The following CDKL2 variants were observed in gnomAD, a reference collection of about 807,000 sequenced individuals.
CDKL2 encodes the protein cyclin-dependent kinase-like 2.
CDKL2 carries 64 observed loss-of-function variants against 63.9 expected under a neutral mutation model. The observed-to-expected ratio is 1.00, with a 90% CI of 0.82 to 1.23. CDKL2 has a LOEUF of 1.23. Among genes scored for constraint, CDKL2 ranks in the 50% most tolerant of loss-of-function variants. The probability of loss-of-function intolerance (pLI) is 0.00; values close to 1 mark genes in which losing one functional copy is unlikely to be tolerated. For missense variants in CDKL2, 656 were observed against 668.0 expected (o/e 0.98, Z 0.20); for synonymous variants, 211 against 229.2 (o/e 0.92, Z 0.72).
chr4:75,581,876 T>C lies in CDKL2; in HGVS notation c.1670A>G (p.Asp557Gly), dbSNP rs781279029. The C allele has an allele frequency of 1.4e-5, 23 of 1,612,864 alleles. No individual in the cohort carries two copies. The highest frequency in any genetic ancestry group is 2.0e-5 in the Non-Finnish European group (23 of 1,179,130). The part of the protein sequence containing the change: ...LHQVSGPPLS[D>G]DSGADLPQME... ...TTGAGGCAAATCAGCCCCTGAATCA[T>C]CTGACAGGGGAGGTCCTGATACCTA... The change falls in exon 13 of 14, where the codon GAT becomes GGT. Residue 557 changes from aspartate (D) to glycine (G), a missense_variant. By Grantham distance (94) the Asp-to-Gly change is moderately conservative. Transcript: ENST00000307465.
intron 3 of CDKL2, among the ~76,000 whole-genome samples, chr4:75,609,763 A>G (rs1729602257): frequency 6.6e-6 from 1 of 151,274 alleles, no homozygotes; most frequent in Admixed American, 6.6e-5. Context: ...AAAAAGATAG[A>G]TTTGTTTTAA....
chr4:75,602,161 T>TG (rs1255615521), intron 6 of CDKL2, among the ~76,000 whole-genome samples: 1 of 116,268 alleles, frequency 8.6e-6, no homozygotes, highest in Non-Finnish European at 1.9e-5. Context: ...CCCTACATTT[T>TG]GTTTTTTTTT....
intron 2 of CDKL2, among the ~76,000 whole-genome samples, chr4:75,617,088 T>C (rs1729959556): frequency 6.6e-6 from 1 of 152,150 alleles, no homozygotes; most frequent in Non-Finnish European, 1.5e-5. Flanking sequence ...ACTTTTGAAC[T>C]AGTTGGTAGT....
At chr4:75,608,366 C>G (rs1729523369) in intron 3 of CDKL2, among the ~76,000 whole-genome samples, 1 of 151,646 alleles carries the variant, frequency 6.6e-6, no homozygotes, top group South Asian at 2.1e-4. Flanking sequence ...CTCAGGTGAT[C>G]CACCTGCCTC....
chr4:75,596,105 T>C (rs1189416292), intron 10 of CDKL2, 142 bp downstream of exon 10: 1 of 491,800 alleles, frequency 2.0e-6, no homozygotes, highest in African/African-American at 2.0e-5. Flanking sequence ...TATGATGGGT[T>C]GGGATAATAT....
rs1214250874 is a variant in CDKL2 at position 75,607,170 on chromosome 4, A to G, written c.542+13T>C. On this transcript the variant is annotated intron_variant, in intron 4 of 13. Transcript: ENST00000307465. ...GAGTAAAAATCTACTCCTCCCCATT[A>G]CTGATGTCTTACTTGCCATACTTGA... 3 of 1,596,770 alleles carry G rather than the reference A, an allele frequency of 1.9e-6. No individual in the cohort carries two copies. The highest frequency in any genetic ancestry group is 8.6e-7 in the Non-Finnish European group (1 of 1,168,252).
At chr4:75,585,314 C>A (rs2148859824) in intron 12 of CDKL2, among the ~76,000 whole-genome samples, 1 of 152,196 alleles carries the variant, frequency 6.6e-6, no homozygotes, top group African/African-American at 2.4e-5. Flanking sequence ...TGGTGGCTCA[C>A]TCCTGTAATC....
chr4:75,610,989 T>C (rs1729663561), intron 3 of CDKL2, among the ~76,000 whole-genome samples: 4 of 152,228 alleles, frequency 2.6e-5, no homozygotes, highest in Admixed American at 2.6e-4. Context: ...AATACTTATG[T>C]GTCAGGCACT....
At chr4:75,625,541 A>C (rs1730362204) in intron 2 of CDKL2, among the ~76,000 whole-genome samples, 1 of 152,198 alleles carries the variant, frequency 6.6e-6, no homozygotes, top group African/African-American at 2.4e-5. Context: ...AAACCCATAC[A>C]AATAAGTAGA....
chr4:75,590,549 T>C (rs188034689), intron 12 of CDKL2, among the ~76,000 whole-genome samples: 13 of 152,166 alleles, frequency 8.5e-5, no homozygotes, highest in African/African-American at 3.1e-4. Context: ...ACCCTGCCTC[T>C]AATAAAAATA....
intron 4 of CDKL2, among the ~76,000 whole-genome samples, chr4:75,606,637 G>C (rs1159188603): frequency 6.6e-6 from 1 of 152,070 alleles, no homozygotes; most frequent in Non-Finnish European, 1.5e-5. Context: ...TTATAAAATG[G>C]CACAAAAATT....
intron 5 of CDKL2, among the ~76,000 whole-genome samples, chr4:75,604,633 T>A (rs6830063): frequency 6.6e-6 from 1 of 152,006 alleles, no homozygotes; most frequent in Non-Finnish European, 1.5e-5. Flanking sequence ...CAAGATTAAA[T>A]CAACCTTGGA....
At chr4:75,603,616 G>A (rs1455927425) in intron 6 of CDKL2, among the ~76,000 whole-genome samples, 1 of 150,278 alleles carries the variant, frequency 6.7e-6, no homozygotes, top group Non-Finnish European at 1.5e-5. Context: ...TGTAGTCCCA[G>A]CTACTAGAGA....
chr4:75,591,970 T>C (rs1728734688), intron 11 of CDKL2, 45 bp from the exon 12 acceptor site: 1 of 1,472,274 alleles, frequency 6.8e-7, no homozygotes, highest in Non-Finnish European at 9.2e-7. Flanking sequence ...TTAGACATTT[T>C]GTTAGTTTTT....
chr4:75,576,840 G>A lies in CDKL2; in HGVS notation c.*2362C>T, dbSNP rs973876957. Among the ~76,000 whole-genome samples, 2 of 152,208 alleles carry A rather than the reference G, an allele frequency of 1.3e-5. No individual in the cohort carries two copies. Among genetic ancestry groups the A allele is most frequent in the African/African-American group, 4.8e-5 (2 of 41,458 alleles). ...TTTCTATGTTCCATTTCAATGGGAA[G>A]TCAGATATTCTAAGCAAGCAAGGGA... On this transcript the variant is annotated 3_prime_UTR_variant, in exon 14 of 14. Transcript: ENST00000307465.
At position 75,579,109 on chromosome 4, in the gene CDKL2, T is replaced by C. The variant is rs377061373; in HGVS notation, c.*93A>G. ...GTTCAGAAGGAAATGATCAAAACCA[T>C]GAATCTCTCCTCTTGGGATATCAGC... On this transcript the variant is annotated 3_prime_UTR_variant, in exon 14 of 14. Coordinates refer to ENST00000307465, the MANE Select transcript of CDKL2 (RefSeq NM_001330724.2). 3.3e-5 allele frequency: 5 copies of C among 152,418 alleles called. No homozygotes were observed. The highest frequency in any genetic ancestry group is 1.9e-4 in the East Asian group (1 of 5,192). The allele number at this position is 152,418 out of a possible 1,614,324, so 9.4% of individuals were successfully genotyped here.
chr4:75,584,503 G>A (rs1258900793), intron 12 of CDKL2, among the ~76,000 whole-genome samples: 1 of 152,140 alleles, frequency 6.6e-6, no homozygotes, highest in South Asian at 2.1e-4. Flanking sequence ...GACTCATTCA[G>A]AGAAGCAGCT....
intron 1 of CDKL2, among the ~76,000 whole-genome samples, chr4:75,626,542 C>G (rs1730423019): frequency 6.6e-6 from 1 of 152,096 alleles, no homozygotes; most frequent in Non-Finnish European, 1.5e-5. Context: ...TGGCAGGCGC[C>G]TGTAGTCCCA....
intron 12 of CDKL2, among the ~76,000 whole-genome samples, chr4:75,582,468 A>T (rs1023374336): frequency 3.3e-5 from 5 of 152,326 alleles, no homozygotes; most frequent in Middle Eastern, 3.4e-3. Context: ...GGATAGATGA[A>T]TAGAAGTGGC....
Sources: allele counts gnomAD v4.1 joint callset (sites outside exome capture counted in the v4.1 genomes callset), GRCh38; gene constraint gnomAD v4.1.1; transcripts MANE v1.5; gene names NCBI Gene and HGNC (gene_info 2026-07-23, HGNC 2026-07-21).